The following PARD3B variants were observed in gnomAD, a reference collection of about 807,000 sequenced individuals.
PARD3B encodes par-3 family cell polarity regulator beta.
In PARD3B, 103 loss-of-function variants were observed where a neutral mutation model predicts 130.2. The observed-to-expected ratio is 0.79, with a 90% CI of 0.67 to 0.93. The LOEUF is 0.93. Ranked by LOEUF, PARD3B falls within the 40% of genes least tolerant of loss-of-function variation. The probability of loss-of-function intolerance (pLI) is 0.00; values close to 1 mark genes in which losing one functional copy is unlikely to be tolerated. For synonymous variants in PARD3B, 583 were observed against 553.2 expected (o/e 1.05, Z -0.76); for missense variants, 1,609 against 1,499.2 (o/e 1.07, Z -1.21).
chr2:204,828,276 C>T (rs974114856), intron 2 of PARD3B, among the ~76,000 whole-genome samples: 26 of 152,116 alleles, frequency 1.7e-4, no homozygotes, highest in African/African-American at 6.3e-4. Context: ...TCTTCCCTTT[C>T]CTTCTACTTC....
intron 10 of PARD3B, among the ~76,000 whole-genome samples, chr2:205,130,673 G>C (rs1289446480): frequency 6.6e-6 from 1 of 152,124 alleles, no homozygotes; most frequent in Admixed American, 6.5e-5. Flanking sequence ...AACCCCTGGT[G>C]GGTAAAATGA....
At chr2:204,824,749 A>G (rs1208682734) in intron 2 of PARD3B, among the ~76,000 whole-genome samples, 2 of 152,188 alleles carry the variant, frequency 1.3e-5, no homozygotes, top group Non-Finnish European at 2.9e-5. Context: ...TTTTGTAAAT[A>G]TATTTCTATT....
At chr2:205,113,277 A>T (rs1703773006) in intron 5 of PARD3B, among the ~76,000 whole-genome samples, 1 of 152,178 alleles carries the variant, frequency 6.6e-6, no homozygotes, top group Non-Finnish European at 1.5e-5. Context: ...TAGGAGTAAA[A>T]GTAAGAAATC....
intron 1 of PARD3B, among the ~76,000 whole-genome samples, chr2:204,557,847 G>A (rs1252035199): frequency 6.6e-6 from 1 of 152,150 alleles, no homozygotes; most frequent in Non-Finnish European, 1.5e-5. Context: ...TTCAGACTGA[G>A]TGCTCTGTAG....
chr2:204,615,024 T>A (rs566955544), intron 1 of PARD3B, among the ~76,000 whole-genome samples: 13 of 152,232 alleles, frequency 8.5e-5, no homozygotes, highest in African/African-American at 3.1e-4. Flanking sequence ...TTATTAAGAG[T>A]GGTGTTTTAC....
At chr2:204,604,213 C>T (rs554020867) in intron 1 of PARD3B, among the ~76,000 whole-genome samples, 245 of 152,226 alleles carry the variant, frequency 1.6e-3, no homozygotes, top group Admixed American at 3.5e-3. Flanking sequence ...CTTTGACATC[C>T]TGAGTGCTTT....
chr2:204,555,411 A>T (rs572754559), intron 1 of PARD3B, among the ~76,000 whole-genome samples: 1 of 152,178 alleles, frequency 6.6e-6, no homozygotes, highest in South Asian at 2.1e-4. Flanking sequence ...TACAAAAATT[A>T]GCCAGACGTG....
chr2:204,722,566 T>A (rs981046736), intron 2 of PARD3B, among the ~76,000 whole-genome samples: 3 of 152,214 alleles, frequency 2.0e-5, no homozygotes, highest in Non-Finnish European at 4.4e-5. Context: ...TGTCTATACA[T>A]TTCTTGACTA....
intron 19 of PARD3B, among the ~76,000 whole-genome samples, chr2:205,424,559 T>C (rs180700281): frequency 6.6e-6 from 1 of 152,020 alleles, no homozygotes; most frequent in Non-Finnish European, 1.5e-5. Flanking sequence ...GAGATAAAGA[T>C]CAAAGACTTG....
chr2:205,444,267 G>A (rs1162606955), intron 20 of PARD3B, among the ~76,000 whole-genome samples: 1 of 152,160 alleles, frequency 6.6e-6, no homozygotes, highest in Admixed American at 6.5e-5. Flanking sequence ...ACAGGCATGA[G>A]CCACCATACC....
chr2:204,937,407 G>A (rs115611570), intron 2 of PARD3B, among the ~76,000 whole-genome samples: 1,915 of 152,236 alleles, frequency 0.013, 16 homozygotes, highest in Middle Eastern at 0.024. Flanking sequence ...GCAAATGTGC[G>A]TTTCCCTTCT....
Position 205,433,832 on chromosome 2 carries a change from A to G in PARD3B, c.2742-6538A>G, listed in dbSNP as rs1271556377. 3.9e-5 allele frequency among the ~76,000 whole-genome samples: 6 copies of G among 152,088 alleles called. No homozygotes were observed. The East Asian group carries it at 1.2e-3, about 29-fold the overall frequency. On this transcript the variant is annotated intron_variant, in intron 19 of 22. Transcript: ENST00000406610. ...CATCCCTGCTGTTGGCTATTTTTGT[A>G]GTTTATTTCTTGTTATTGCTGATTT...
intron 2 of PARD3B, among the ~76,000 whole-genome samples, chr2:204,944,282 A>G (rs6435261): frequency 0.011 from 1,627 of 152,342 alleles, 30 homozygotes; most frequent in African/African-American, 0.037. Context: ...TTGGAGACCT[A>G]TAAGGCAGAG....
At chr2:204,680,551 T>G (rs1357911500) in intron 1 of PARD3B, among the ~76,000 whole-genome samples, 2 of 152,084 alleles carry the variant, frequency 1.3e-5, no homozygotes, top group African/African-American at 4.8e-5. Flanking sequence ...TGTTCTTTGC[T>G]CTTTATTTTC....
intron 16 of PARD3B, among the ~76,000 whole-genome samples, chr2:205,246,806 G>C (rs1308852738): frequency 1.3e-5 from 2 of 152,134 alleles, no homozygotes; most frequent in African/African-American, 4.8e-5. Context: ...TAACAGCAGG[G>C]AAGGGCTGGT....
At position 205,365,549 on chromosome 2, in the gene PARD3B, C is replaced by CTTTTTTTTTT. The variant is rs3048121; in HGVS notation, c.2631-35457_2631-35448dup. On this transcript the variant is annotated intron_variant, in intron 18 of 22. Transcript: ENST00000406610. ...TCAGGGCCATATCCACCCAACCTTC[C>CTTTTTTTTTT]TTTTTTTTTTTTTTTTCTAATCTAC... 1.1e-3 allele frequency among the ~76,000 whole-genome samples: 128 copies of CTTTTTTTTTT among 113,708 alleles called. 3 individuals carry two copies. The highest frequency in any genetic ancestry group is 1.6e-3 in the African/African-American group (42 of 26,572). 74.6% of individuals were successfully genotyped at this position (113,708 alleles called of 152,430 possible). A position where few individuals can be genotyped will look rare whatever the true frequency, so the allele number is the denominator to read the frequency against.
At chr2:204,546,576 G>A (rs1184369895) in intron 1 of PARD3B, among the ~76,000 whole-genome samples, 1 of 152,182 alleles carries the variant, frequency 6.6e-6, no homozygotes, top group Admixed American at 6.5e-5. Context: ...GATTGTGCAA[G>A]TGACACATAC....
Position 205,568,250 on chromosome 2 carries a change from G to T in PARD3B, c.3260+14847G>T. Among the ~76,000 whole-genome samples, 1 of 152,164 alleles carries T rather than the reference G, an allele frequency of 6.6e-6. No individual in the cohort carries two copies. Among genetic ancestry groups the T allele is most frequent in the South Asian group, 2.1e-4 (1 of 4,826 alleles). On this transcript the variant is annotated intron_variant, in intron 22 of 22. Coordinates refer to ENST00000406610, the MANE Select transcript of PARD3B (RefSeq NM_001302769.2). The surrounding 1 kb of genome is among the most constrained non-coding windows in gnomAD (Gnocchi z 5.3). ...AGAAAACATATGAGATTAGTAAGAT[G>T]CCCCAGACAATCCTGATGCCTTCAC...
At chr2:204,786,305 T>G (rs2042008986) in intron 2 of PARD3B, among the ~76,000 whole-genome samples, 1 of 152,104 alleles carries the variant, frequency 6.6e-6, no homozygotes, top group African/African-American at 2.4e-5. Context: ...GTCTTTTATG[T>G]AGACTTAATT....
Sources: allele counts gnomAD v4.1 joint callset (sites outside exome capture counted in the v4.1 genomes callset), GRCh38; gene constraint gnomAD v4.1.1; non-coding constraint Gnocchi (gnomAD v3.1); transcripts MANE v1.5; gene names NCBI Gene and HGNC (gene_info 2026-07-23, HGNC 2026-07-21).